SPI1: variants seen among roughly 807,000 people sequenced by gnomAD.
SPI1 encodes transcription factor PU.1.
SPI1 carries 3 observed loss-of-function variants against 30.7 expected under a neutral mutation model. That is an observed-to-expected ratio of 0.10 (90% CI 0.04 to 0.25). The LOEUF is 0.25. Ranked by LOEUF, SPI1 falls within the 10% of genes least tolerant of loss-of-function variation. The pLI is 1.00. For synonymous variants in SPI1, 169 were observed against 157.1 expected (o/e 1.08, Z -0.56); for missense variants, 261 against 371.5 (o/e 0.70, Z 2.45).
rs11039198 is a variant in SPI1, at chr11:47,357,068, C to T, written c.494-1522G>A. Reference sequence around the variant, plus strand: ...ATGCTTACAAACTCATGCTCACACACATGCTAACACTTCACACATGCTAAC... The same window carrying T: ...ATGCTTACAAACTCATGCTCACACATATGCTAACACTTCACACATGCTAAC... On this transcript the variant is annotated intron_variant, in intron 4 of 4. Coordinates refer to ENST00000378538, the MANE Select transcript of SPI1 (RefSeq NM_003120.3). Among the ~76,000 whole-genome samples the T allele has an allele frequency of 6.2e-3, 944 of 151,688 alleles. 11 individuals are homozygous for T. The highest frequency in any genetic ancestry group is 0.021 in the African/African-American group (877 of 41,294).
intron 4 of SPI1, chr11:47,358,483 C>T: frequency 1.5e-6 from 1 of 651,212 alleles, no homozygotes; most frequent in Non-Finnish European, 2.8e-6. Context: ...CACCAGCTCT[C>T]ACATTCACCT....
chr11:47,371,189 C>T (rs367654721), intron 2 of SPI1, among the ~76,000 whole-genome samples: 4 of 150,334 alleles, frequency 2.7e-5, no homozygotes, highest in Admixed American at 6.7e-5. Context: ...TGAAACCCTG[C>T]CTCTACTAAA....
chr11:47,378,041 C>A (rs1047887221), intron 1 of SPI1, among the ~76,000 whole-genome samples: 6 of 152,264 alleles, frequency 3.9e-5, no homozygotes, highest in African/African-American at 9.6e-5. Context: ...CCGGCCTCCG[C>A]CTGCCACCCG....
intron 2 of SPI1, among the ~76,000 whole-genome samples, chr11:47,370,311 G>A (rs556788875): frequency 6.6e-6 from 1 of 151,894 alleles, no homozygotes; most frequent in African/African-American, 2.4e-5. Context: ...GCTGAAGCAG[G>A]AGAATTGCTG....
intron 2 of SPI1, among the ~76,000 whole-genome samples, chr11:47,362,377 C>G (rs1308665407): frequency 6.6e-6 from 1 of 152,018 alleles, no homozygotes; most frequent in Non-Finnish European, 1.5e-5. Flanking sequence ...TGAGACCGGC[C>G]TGGGCAACAT....
intron 2 of SPI1, among the ~76,000 whole-genome samples, chr11:47,362,617 C>A (rs1222394313): frequency 6.8e-6 from 1 of 147,232 alleles, no homozygotes; most frequent in African/African-American, 2.5e-5. Context: ...TCACTCTTGC[C>A]CAAGCTGGAG....
chr11:47,376,956 G>A (rs759003350), intron 1 of SPI1, among the ~76,000 whole-genome samples: 22 of 152,182 alleles, frequency 1.4e-4, no homozygotes, highest in Non-Finnish European at 3.2e-4. Context: ...GAATTGAGAG[G>A]TCAGGGATCA....
chr11:47,365,783 G>A (rs1034374662), intron 2 of SPI1, among the ~76,000 whole-genome samples: 5 of 152,014 alleles, frequency 3.3e-5, no homozygotes, highest in African/African-American at 9.7e-5. Flanking sequence ...TGCAACCTCC[G>A]CCTCCTGGGT....
rs933108155 is a variant in SPI1 at position 47,377,958 on chromosome 11, T to A, written c.45+351A>T. Among the ~76,000 whole-genome samples, 8 of 151,728 alleles carry A rather than the reference T, an allele frequency of 5.3e-5. No individual in the cohort carries two copies. The South Asian group carries it at 1.7e-3, about 32-fold the overall frequency. On this transcript the variant is annotated intron_variant, in intron 1 of 4. Transcript: ENST00000378538. ...AGGGGACCGGCCTCCCCCAAGCCAG[T>A]CCCCCCATCTCCCTCCTCTACCTCT...
chr11:47,355,376 T>G lies in SPI1; in HGVS notation c.664A>C (p.Lys222Gln), dbSNP rs150085664. ...RWGIQKGNRKKMTYQKMARAL... is the reference protein window; with the variant it reads ...RWGIQKGNRKQMTYQKMARAL... Reference sequence around the variant, plus strand: ...CGCGCCATCTTCTGGTAGGTCATCTTCTTGCGGTTGCCCTTCTGGATGCCC... The same window carrying G: ...CGCGCCATCTTCTGGTAGGTCATCTGCTTGCGGTTGCCCTTCTGGATGCCC... The change falls in exon 5 of 5, where the codon AAG (lysine) becomes CAG (glutamine). Residue 222 changes from lysine to glutamine, a missense_variant. This residue lies in a region of SPI1 where 43 missense variants were observed against 123.8 expected (regional missense o/e 0.35). Coordinates refer to ENST00000378538, the MANE Select transcript of SPI1 (RefSeq NM_003120.3). 347 of 1,613,864 alleles carry G rather than the reference T, an allele frequency of 2.2e-4. 1 individual carries two copies. Among genetic ancestry groups the G allele is most frequent in the Non-Finnish European group, 2.6e-4 (310 of 1,179,804 alleles).
At chr11:47,368,218 AC>A (rs2095931150) in intron 2 of SPI1, among the ~76,000 whole-genome samples, 1 of 152,202 alleles carries the variant, frequency 6.6e-6, no homozygotes, top group African/African-American at 2.4e-5. Flanking sequence ...TACAAAAATT[AC>A]CCGGGCATAG....
chr11:47,358,247 T>TATACACTTG (rs2095914935), intron 4 of SPI1: 2 of 407,862 alleles, frequency 4.9e-6, no homozygotes, highest in East Asian at 9.2e-5. Flanking sequence ...CATTCACACA[T>TATACACTTG]ATACACTTGC....
intron 2 of SPI1, among the ~76,000 whole-genome samples, chr11:47,362,592 C>G (rs1227147882): frequency 3.0e-5 from 1 of 33,222 alleles, no homozygotes; most frequent in African/African-American, 1.3e-4. Flanking sequence ...TTTTTTTTTT[C>G]TCTGAGATGA....
intron 4 of SPI1, chr11:47,358,186 C>T (rs560686734): frequency 1.2e-5 from 3 of 258,824 alleles, no homozygotes; most frequent in South Asian, 9.7e-5. Flanking sequence ...CTGACACACA[C>T]CTATGCCCAT....
At chr11:47,355,604 A>T in intron 4 of SPI1, 58 bp from the exon 5 acceptor site, 10 of 1,440,346 alleles carry the variant, frequency 6.9e-6, no homozygotes, top group Non-Finnish European at 9.3e-6. Context: ...AGCCGCCCCC[A>T]CCGCCTTGCG....
Position 47,355,284 on chromosome 11 carries a change from G to A in SPI1, c.756C>T (p.Phe252=). ...KKVKKKLTYQ[F]SGEVLGRGGL... ...CCCCGCGGCCCAGCACTTCGCCGCT[G>A]AACTGGTAGGTGAGCTTCTTCTTCA... The change falls in exon 5 of 5, where the codon TTC becomes TTT. Residue 252 remains phenylalanine, a synonymous_variant. Coordinates refer to ENST00000378538, the MANE Select transcript of SPI1 (RefSeq NM_003120.3). 6.3e-7 allele frequency: 1 copy of A among 1,588,648 alleles called. No homozygotes were observed. Among genetic ancestry groups the A allele is most frequent in the Non-Finnish European group, 8.6e-7 (1 of 1,168,852 alleles).
In SPI1 at chr11:47,355,066, AG is replaced by A; in HGVS notation, c.*160del. 3.5e-6 allele frequency: 1 copy of A among 288,940 alleles called. No homozygotes were observed. The highest frequency in any genetic ancestry group is 4.9e-6 in the Non-Finnish European group (1 of 203,960). 17.9% of individuals were successfully genotyped at this position (288,940 alleles called of 1,614,324 possible). ...TGGAGGGAGGCGAAGCGGGATGTGG[AG>A]GGGGCCTGGAGTGGGGGGAGGGGGC... On this transcript the variant is annotated 3_prime_UTR_variant, in exon 5 of 5. Coordinates refer to ENST00000378538, the MANE Select transcript of SPI1 (RefSeq NM_003120.3).
chr11:47,361,354 G>C lies in SPI1; in HGVS notation c.143-1314C>G, dbSNP rs141072107. Among the ~76,000 whole-genome samples, 18 of 152,258 alleles carry C rather than the reference G, an allele frequency of 1.2e-4. No individual in the cohort carries two copies. In the East Asian group the frequency reaches 3.5e-3, roughly 29 times the overall value. ...CATGACCTTAAGCAGTGGCACCTGT[G>C]TTCCCGTGAGGTTCCTGGGACCTGA... On this transcript the variant is annotated intron_variant, in intron 2 of 4. Coordinates refer to ENST00000378538, the MANE Select transcript of SPI1 (RefSeq NM_003120.3).
chr11:47,368,376 A>G (rs2095931330), intron 2 of SPI1, among the ~76,000 whole-genome samples: 1 of 152,138 alleles, frequency 6.6e-6, no homozygotes, highest in Non-Finnish European at 1.5e-5. Context: ...AAAAAATAAA[A>G]ATAGAATTAG....
Sources: allele counts gnomAD v4.1 joint callset (sites outside exome capture counted in the v4.1 genomes callset), GRCh38; gene constraint gnomAD v4.1.1; regional missense constraint gnomAD v4.1.1; transcripts MANE v1.5; gene names NCBI Gene and HGNC (gene_info 2026-07-23, HGNC 2026-07-21).